The following ATF7IP2 variants were observed in gnomAD, a reference collection of about 807,000 sequenced individuals.
ATF7IP2 encodes activating transcription factor 7 interacting protein 2, also known as activating transcription factor 7-interacting protein 2.
Under a neutral mutation model 64.2 loss-of-function variants are expected in ATF7IP2, and 42 were observed. That is an observed-to-expected ratio of 0.65 (90% CI 0.51 to 0.85). The LOEUF (loss-of-function observed/expected upper bound fraction) is 0.85, where lower values mean the gene tolerates loss of function less well. Among genes scored for constraint, ATF7IP2 ranks in the 40% least tolerant of loss-of-function variants. The pLI, the probability that ATF7IP2 is intolerant of heterozygous loss-of-function variation, is 0.00. For missense variants in ATF7IP2, 933 were observed against 784.2 expected, an observed-to-expected ratio of 1.19 and a Z score of -2.27; for synonymous variants, 308 against 272.8, an observed-to-expected ratio of 1.13 and a Z score of -1.27.
intron 1 of ATF7IP2, among the ~76,000 whole-genome samples, chr16:10,390,694 C>A (rs1406009628): frequency 6.6e-6 from 1 of 151,946 alleles, no homozygotes; most frequent in Non-Finnish European, 1.5e-5. Context: ...GAGGCTGAGG[C>A]AGTAGGATTA....
At chr16:10,401,733 A>T (rs1413198342) in intron 1 of ATF7IP2, among the ~76,000 whole-genome samples, 1 of 143,194 alleles carries the variant, frequency 7.0e-6, no homozygotes, top group African/African-American at 2.6e-5. Flanking sequence ...CCATCTGGTT[A>T]TGGGCTTTTT....
intron 9 of ATF7IP2, among the ~76,000 whole-genome samples, chr16:10,468,027 G>T (rs748275326): frequency 7.3e-5 from 11 of 151,250 alleles, no homozygotes; most frequent in Non-Finnish European, 1.5e-4. Flanking sequence ...TTAAAGGCAC[G>T]TGCCACCATG....
At position 10,401,271 on chromosome 16, in the gene ATF7IP2, G is replaced by T. The variant is rs551153386; in HGVS notation, c.-241-13303G>T. On this transcript the variant is annotated intron_variant, in intron 1 of 13. Coordinates refer to ENST00000562102, the MANE Select transcript of ATF7IP2 (RefSeq NM_001393719.1). ...CAACCTCCACCTCCCAGGTTCAAGC[G>T]ATTCTCCTGCCCCAGCATCCCGAGT... is the stretch of plus-strand genomic sequence containing the variant. Among the ~76,000 whole-genome samples, 195 of 152,052 alleles carry T rather than the reference G, an allele frequency of 1.3e-3. 1 individual carries two copies. Among genetic ancestry groups the T allele is most frequent in the Non-Finnish European group, 2.4e-3 (166 of 67,968 alleles).
Position 10,430,891 on chromosome 16 carries a change from T to A in ATF7IP2, c.271T>A (p.Phe91Ile). 6.2e-7 allele frequency: 1 copy of A among 1,613,966 alleles called. No individual in the cohort carries two copies. Among genetic ancestry groups the A allele is most frequent in the East Asian group, 2.2e-5 (1 of 44,884 alleles). Residue 91 changes from phenylalanine to isoleucine, a missense_variant, in exon 5 of 14, where the codon TTC becomes ATC. By Grantham distance (21) the Phe-to-Ile change is conservative. Coordinates refer to ENST00000562102, the MANE Select transcript of ATF7IP2 (RefSeq NM_001393719.1). ...TTCAATATCAGAGAAAAGTAAAGTA[T>A]TCTCTCAGAATTGCATAAAACCAGT... Reference protein sequence around the residue: ...KNSISEKSKVFSQNCIKPVEE... With the variant: ...KNSISEKSKVISQNCIKPVEE...
At chr16:10,419,151 C>G (rs937061331) in intron 2 of ATF7IP2, among the ~76,000 whole-genome samples, 1 of 152,122 alleles carries the variant, frequency 6.6e-6, no homozygotes, top group African/African-American at 2.4e-5. Flanking sequence ...ATTATAGGAG[C>G]AGATTTATTA....
chr16:10,426,354 T>C (rs1190012036), intron 3 of ATF7IP2, among the ~76,000 whole-genome samples: 1 of 152,208 alleles, frequency 6.6e-6, no homozygotes, highest in Non-Finnish European at 1.5e-5. Flanking sequence ...GGTTCTATGA[T>C]AGGCAAACTA....
chr16:10,457,501 T>A lies in ATF7IP2; in HGVS notation c.1324T>A (p.Ser442Thr). The A allele has an allele frequency of 6.3e-7, 1 of 1,596,050 alleles. No homozygotes were observed. ...EKGSKKINLS[S>T]DQNKSVSESN... ...AGGAAGTAAAAAAATTAATTTGTCATCAGATCAAAATAAGTCTGTTTCTGA... is the reference window on the plus strand; with the variant it reads ...AGGAAGTAAAAAAATTAATTTGTCAACAGATCAAAATAAGTCTGTTTCTGA... The change falls in exon 9 of 14, where the codon TCA becomes ACA. Residue 442 changes from serine (S) to threonine (T), a missense_variant. Ser to Thr is a moderately conservative substitution (Grantham distance 58). Coordinates refer to ENST00000562102, the MANE Select transcript of ATF7IP2 (RefSeq NM_001393719.1).
At chr16:10,407,958 C>T (rs2047677265) in intron 1 of ATF7IP2, among the ~76,000 whole-genome samples, 1 of 151,300 alleles carries the variant, frequency 6.6e-6, no homozygotes, top group South Asian at 2.1e-4. Flanking sequence ...TCTCACCAGG[C>T]TGGAGTGCAG....
At chr16:10,437,202 G>T (rs761022732) in intron 6 of ATF7IP2, among the ~76,000 whole-genome samples, 1 of 151,980 alleles carries the variant, frequency 6.6e-6, no homozygotes, top group Non-Finnish European at 1.5e-5. Context: ...TGTATTTTTA[G>T]TAGAGTCGGG....
At chr16:10,403,855 G>C (rs2047582615) in intron 1 of ATF7IP2, among the ~76,000 whole-genome samples, 2 of 152,114 alleles carry the variant, frequency 1.3e-5, no homozygotes, top group South Asian at 2.1e-4. Flanking sequence ...ATCAGCCAAG[G>C]CAGAAGAAAT....
At chr16:10,478,029 C>G (rs562411043) in intron 12 of ATF7IP2, among the ~76,000 whole-genome samples, 283 of 149,472 alleles carry the variant, frequency 1.9e-3, no homozygotes, top group African/African-American at 6.8e-3. Context: ...GAAGAACATT[C>G]CATGCTCATG....
At chr16:10,404,354 G>A (rs2047592041) in intron 1 of ATF7IP2, among the ~76,000 whole-genome samples, 1 of 152,158 alleles carries the variant, frequency 6.6e-6, no homozygotes, top group Non-Finnish European at 1.5e-5. Flanking sequence ...CCAGGTTCAA[G>A]CGATTCTCCT....
intron 9 of ATF7IP2, among the ~76,000 whole-genome samples, chr16:10,470,970 A>C (rs1376076056): frequency 6.6e-6 from 1 of 151,974 alleles, no homozygotes; most frequent in Non-Finnish European, 1.5e-5. Context: ...CTTAACTATA[A>C]AGGTGTAGTA....
intron 7 of ATF7IP2, among the ~76,000 whole-genome samples, 189 bp downstream of exon 7, chr16:10,438,424 T>G (rs920770889): frequency 6.6e-6 from 1 of 151,668 alleles, no homozygotes; most frequent in Non-Finnish European, 1.5e-5. Flanking sequence ...TTTGGGTTTT[T>G]TTTTTTTTTT....
intron 1 of ATF7IP2, among the ~76,000 whole-genome samples, chr16:10,391,352 C>T (rs995903135): frequency 6.6e-6 from 1 of 151,516 alleles, no homozygotes; most frequent in South Asian, 2.1e-4. Flanking sequence ...ACCCAGGAGG[C>T]AGAGGTTGCG....
chr16:10,433,589 A>G lies in ATF7IP2; in HGVS notation c.900A>G (p.Ser300=). Reference sequence around the variant, plus strand: ...AAAATGTTAAACGCATGAAAACTTCAGAGCAAATTAATGAAAATATTTGTG... The same window carrying G: ...AAAATGTTAAACGCATGAAAACTTCGGAGCAAATTAATGAAAATATTTGTG... The part of the protein sequence containing the change: ...NEENVKRMKT[S]EQINENICVS... Residue 300 remains serine, a synonymous_variant, in exon 6 of 14, where the codon TCA becomes TCG. Transcript: ENST00000562102. The G allele has an allele frequency of 6.2e-7, 1 of 1,613,620 alleles. No individual in the cohort carries two copies. Among genetic ancestry groups the G allele is most frequent in the Non-Finnish European group, 8.5e-7 (1 of 1,179,502 alleles).
intron 9 of ATF7IP2, among the ~76,000 whole-genome samples, chr16:10,459,245 G>T (rs997063304): frequency 6.6e-6 from 1 of 152,058 alleles, no homozygotes; most frequent in Non-Finnish European, 1.5e-5. Context: ...TAGGTGGGTG[G>T]ATCACGAGGT....
intron 8 of ATF7IP2, among the ~76,000 whole-genome samples, chr16:10,443,239 A>C (rs1375895471): frequency 6.6e-6 from 1 of 152,216 alleles, no homozygotes; most frequent in African/African-American, 2.4e-5. Context: ...TAGGTCTCCA[A>C]GAAATGCCAA....
At chr16:10,423,433 A>G (rs1018553230) in intron 3 of ATF7IP2, among the ~76,000 whole-genome samples, 1 of 152,096 alleles carries the variant, frequency 6.6e-6, no homozygotes, top group Non-Finnish European at 1.5e-5. Flanking sequence ...TAGCTATGAT[A>G]TTTCCCTGTT....
Sources: gnomAD v4.1 joint callset for allele counts (sites outside exome capture counted in the v4.1 genomes callset) on GRCh38, gnomAD v4.1.1 for gene constraint, MANE v1.5 for transcripts, NCBI Gene and HGNC (gene_info 2026-07-23, HGNC 2026-07-21) for gene names.